The following SUN1 variants were observed in gnomAD, a reference collection of about 807,000 sequenced individuals.
The protein encoded by SUN1 is Sad1 and UNC84 domain containing 1, also known as SUN domain-containing protein 1.
SUN1 carries 61 observed loss-of-function variants against 103.2 expected under a neutral mutation model. The ratio of observed to expected loss-of-function variants is 0.59; its 90% CI spans 0.48 to 0.73. SUN1 has a LOEUF of 0.73. Ranked by LOEUF, SUN1 falls within the 30% of genes least tolerant of loss-of-function variation. The pLI is 0.00. For missense variants in SUN1, 1,052 were observed against 1,034.6 expected (o/e 1.02, Z -0.23); for synonymous variants, 490 against 425.7 (o/e 1.15, Z -1.86).
At chr7:851,887 C>T in intron 6 of SUN1, 63 bp from the exon 7 acceptor site, 2 of 1,544,526 alleles carry the variant, frequency 1.3e-6, no homozygotes, top group Non-Finnish European at 1.8e-6. Flanking sequence ...CAGAAATGGT[C>T]CATTTAGGAG....
At chr7:816,846 CCCCGCAGCTACCCCGG>C (rs1780939028) in intron 1 of SUN1, 2 of 149,924 alleles carry the variant, frequency 1.3e-5, no homozygotes, top group South Asian at 4.1e-4. Context: ...CCGTCCCGCG[CCCCGCAGCTACCCCGG>C]CCCGCGCAGG....
chr7:833,413 C>G (rs932232302), intron 1 of SUN1, among the ~76,000 whole-genome samples: 1 of 151,514 alleles, frequency 6.6e-6, no homozygotes, highest in South Asian at 2.1e-4. Flanking sequence ...CAGATTCAAG[C>G]AGTTCTTCTG....
intron 1 of SUN1, among the ~76,000 whole-genome samples, chr7:837,080 A>G (rs574871158): frequency 4.6e-5 from 7 of 152,208 alleles, no homozygotes; most frequent in Non-Finnish European, 1.0e-4. Flanking sequence ...CTTGGGAGAA[A>G]GCGTCTAGGC....
At chr7:854,445 CGTATGGTCCCATCTCAGGTGCTCA>C (rs1435379822) in intron 10 of SUN1, among the ~76,000 whole-genome samples, 1 of 152,264 alleles carries the variant, frequency 6.6e-6, no homozygotes, top group Non-Finnish European at 1.5e-5. Context: ...GGTTCTCACT[CGTATGGTCCCATCTCAGGTGCTCA>C]GTAGCCATGA....
intron 5 of SUN1, chr7:848,327 C>A: frequency 1.8e-6 from 2 of 1,132,934 alleles, no homozygotes; most frequent in Non-Finnish European, 2.4e-6. Context: ...TCTAAAAGTG[C>A]CTGAAATGAA....
intron 1 of SUN1, among the ~76,000 whole-genome samples, chr7:836,886 T>C (rs1226570866): frequency 6.6e-6 from 1 of 151,958 alleles, no homozygotes; most frequent in African/African-American, 2.4e-5. Context: ...GGAAGAAAAA[T>C]GCAGGGCATT....
At chr7:842,252 G>C (rs773525293) in intron 3 of SUN1, 122 bp downstream of exon 3, 4 of 1,085,986 alleles carry the variant, frequency 3.7e-6, no homozygotes, top group African/African-American at 3.2e-5. Context: ...GGGAGAGGGA[G>C]GCTGTGGCCA....
At position 856,340 on chromosome 7, in the gene SUN1, A is replaced by G. The variant is rs1377247683; in HGVS notation, c.1351-18A>G. 1.1e-5 allele frequency: 17 copies of G among 1,612,866 alleles called. No individual in the cohort carries two copies. Among genetic ancestry groups the G allele is most frequent in the Non-Finnish European group, 1.4e-5 (17 of 1,178,912 alleles). On this transcript the variant is annotated intron_variant, in intron 11 of 18. Coordinates refer to ENST00000401592, the MANE Select transcript of SUN1 (RefSeq NM_001130965.3). ...TATAACTTATGTGTTTCAGTAGACT[A>G]TTTCTCATACTTTTTAGGCCATCCA...
chr7:864,526 C>T (rs1834752870), intron 15 of SUN1, among the ~76,000 whole-genome samples: 1 of 149,014 alleles, frequency 6.7e-6, no homozygotes, highest in Admixed American at 6.7e-5. Flanking sequence ...TGCACTCCAG[C>T]CTGGGCAACA....
At chr7:847,200 G>A (rs540665836) in intron 5 of SUN1, among the ~76,000 whole-genome samples, 8 of 152,228 alleles carry the variant, frequency 5.3e-5, no homozygotes, top group South Asian at 2.1e-4. Context: ...TTGCTAGTGC[G>A]CCAGCGGAGT....
intron 5 of SUN1, among the ~76,000 whole-genome samples, chr7:847,237 C>T (rs1000364022): frequency 3.6e-4 from 54 of 152,016 alleles, no homozygotes; most frequent in African/African-American, 1.2e-3. Context: ...GGGGTTACCC[C>T]GCAGTCCAGT....
Position 842,192 on chromosome 7 carries a change from G to C in SUN1, c.451+62G>C. ...GTTGGGGTGTTTCTCAGATTATGCT[G>C]GGGAGAGGGGAGGCGGTGGCCAGGT... On this transcript the variant is annotated intron_variant, in intron 3 of 18. Transcript: ENST00000401592. 3.2e-6 allele frequency: 5 copies of C among 1,559,698 alleles called. No homozygotes were observed. The South Asian group carries it at 5.9e-5, about 18-fold the overall frequency.
At position 873,379 on chromosome 7, in the gene SUN1, G is replaced by C. The variant is rs201230814; in HGVS notation, c.*48G>C. Reference sequence around the variant, plus strand: ...ACATTTTTGTATATACTGGGACAGCGTGAAACACTGGAATCCTTCATGGAC... The same window carrying C: ...ACATTTTTGTATATACTGGGACAGCCTGAAACACTGGAATCCTTCATGGAC... On this transcript the variant is annotated 3_prime_UTR_variant, in exon 19 of 19. Coordinates refer to ENST00000401592, the MANE Select transcript of SUN1 (RefSeq NM_001130965.3). 9.0e-5 allele frequency: 135 copies of C among 1,494,822 alleles called. 1 individual carries two copies. The African/African-American group carries it at 1.7e-3, about 19-fold the overall frequency. 92.6% of individuals were successfully genotyped at this position (1,494,822 alleles called of 1,614,324 possible).
At chr7:817,623 C>T (rs1334899510) in intron 1 of SUN1, 14 of 1,176,982 alleles carry the variant, frequency 1.2e-5, no homozygotes, top group Non-Finnish European at 1.2e-6. Context: ...TAGTATTGCC[C>T]ATGAAGTGCT....
chr7:852,526 A>G (rs1823201187), intron 7 of SUN1, 83 bp from the exon 8 acceptor site: 1 of 1,576,730 alleles, frequency 6.3e-7, no homozygotes, highest in Non-Finnish European at 8.7e-7. Context: ...GATTTTGCAC[A>G]AAATTATCTA....
chr7:826,309 T>C (rs1182495300), intron 1 of SUN1, among the ~76,000 whole-genome samples: 1 of 152,226 alleles, frequency 6.6e-6, no homozygotes, highest in Non-Finnish European at 1.5e-5. Flanking sequence ...AACCCTGGTC[T>C]GGGGTGCTTA....
At position 874,158 on chromosome 7, in the gene SUN1, G is replaced by C. The variant is rs921536942; in HGVS notation, c.*827G>C. Reference sequence around the variant, plus strand: ...GAGTTTTGCTGAATAGGGAGCGCAAGACGCCCTGAGCCTCCCTCTCACTGG... The same window carrying C: ...GAGTTTTGCTGAATAGGGAGCGCAACACGCCCTGAGCCTCCCTCTCACTGG... On this transcript the variant is annotated 3_prime_UTR_variant, in exon 19 of 19. Coordinates refer to ENST00000401592, the MANE Select transcript of SUN1 (RefSeq NM_001130965.3). The C allele has an allele frequency of 6.6e-6, 1 of 152,322 alleles. No individual in the cohort carries two copies. Among genetic ancestry groups the C allele is most frequent in the African/African-American group, 2.4e-5 (1 of 41,440 alleles). 9.4% of individuals were successfully genotyped at this position (152,322 alleles called of 1,614,324 possible).
At chr7:848,036 G>A (rs891943079) in intron 5 of SUN1, among the ~76,000 whole-genome samples, 3 of 115,520 alleles carry the variant, frequency 2.6e-5, no homozygotes, top group Admixed American at 9.2e-5. Context: ...CTGCAGTCCA[G>A]TCTCCGGGAT....
At chr7:857,488 C>G (rs540604114) in intron 12 of SUN1, among the ~76,000 whole-genome samples, 1 of 152,130 alleles carries the variant, frequency 6.6e-6, no homozygotes, top group Non-Finnish European at 1.5e-5. Context: ...CATGAGCCAC[C>G]GCACCCAGTC....
Sources: allele counts gnomAD v4.1 joint callset (sites outside exome capture counted in the v4.1 genomes callset), GRCh38; gene constraint gnomAD v4.1.1; transcripts MANE v1.5; gene names NCBI Gene and HGNC (gene_info 2026-07-23, HGNC 2026-07-21).